Variants in SHH observed in about 807,000 individuals in gnomAD.
SHH encodes the protein sonic hedgehog protein.
SHH carries 3 observed loss-of-function variants against 16.6 expected under a neutral mutation model. That is an observed-to-expected ratio of 0.18 (90% CI 0.08 to 0.47). The LOEUF is 0.47. Ranked by LOEUF, SHH falls within the 20% of genes least tolerant of loss-of-function variation. The pLI is 0.98. For synonymous variants in SHH, 351 were observed against 316.2 expected (o/e 1.11, Z -1.17); for missense variants, 499 against 665.0 (o/e 0.75, Z 2.75).
At chr7:155,810,164 G>T (rs193195098) in intron 1 of SHH, among the ~76,000 whole-genome samples, 261 of 152,310 alleles carry the variant, frequency 1.7e-3, no homozygotes, top group African/African-American at 2.8e-3. Context: ...CGTCTGCCTC[G>T]CTGCGCGGCT....
Position 155,802,782 on chromosome 7 carries a change from C to CTTA in SHH, c.*115_*117dup, listed in dbSNP as rs1554493560. Reference sequence around the variant, plus strand: ...CTTTGGACTGTCCTACTTTATTATTCTTATTCTTATTATAACTCAGTCTGG... The same window carrying CTTA: ...CTTTGGACTGTCCTACTTTATTATTCTTATTATTCTTATTATAACTCAGTCTGG... On this transcript the variant is annotated 3_prime_UTR_variant, in exon 3 of 3. Coordinates refer to ENST00000297261, the MANE Select transcript of SHH (RefSeq NM_000193.4). 14 of 610,912 alleles carry CTTA rather than the reference C, an allele frequency of 2.3e-5. No individual in the cohort carries two copies. The highest frequency in any genetic ancestry group is 4.8e-4 in the Middle Eastern group (1 of 2,084). 37.8% of individuals were successfully genotyped at this position (610,912 alleles called of 1,614,324 possible).
chr7:155,806,252 A>C, intron 2 of SHH, 44 bp downstream of exon 2: 1 of 1,612,132 alleles, frequency 6.2e-7, no homozygotes, highest in Non-Finnish European at 8.5e-7. Flanking sequence ...AGGTGCGCCA[A>C]TGGCCTTCCT....
Position 155,811,894 on chromosome 7 carries a change from T to A in SHH, c.229A>T (p.Thr77Ser), listed in dbSNP as rs1450594695. Residue 77 changes from threonine to serine, a missense_variant, in exon 1 of 3, where the codon ACC (threonine) becomes TCC (serine). This residue lies in a region of SHH where 75 missense variants were observed against 115.0 expected (regional missense o/e 0.65). Transcript: ENST00000297261. ...SRNSERFKEL[T>S]PNYNPDIIFK... ...ATGATGTCGGGGTTGTAATTGGGGG[T>A]GAGTTCCTTAAATCGCTCGGAGTTT... 6.2e-7 allele frequency: 1 copy of A among 1,613,284 alleles called. No individual in the cohort carries two copies. The highest frequency in any genetic ancestry group is 1.3e-5 in the African/African-American group (1 of 74,830).
At chr7:155,803,909 GC>G (rs1803275507) in intron 2 of SHH, among the ~76,000 whole-genome samples, 183 bp from the exon 3 acceptor site, 1 of 150,732 alleles carries the variant, frequency 6.6e-6, no homozygotes, top group South Asian at 2.1e-4. Flanking sequence ...CAACCCCACT[GC>G]CCCAGGGACA....
Position 155,800,470 on chromosome 7 carries a change from T to A in SHH, c.*2430A>T. The A allele has an allele frequency of 4.5e-6, 2 of 448,070 alleles. No homozygotes were observed. The highest frequency in any genetic ancestry group is 9.2e-6 in the Non-Finnish European group (2 of 216,718). 27.8% of individuals were successfully genotyped at this position (448,070 alleles called of 1,614,324 possible). A position where few individuals can be genotyped will look rare whatever the true frequency, so the allele number is the denominator to read the frequency against. On this transcript the variant is annotated 3_prime_UTR_variant, in exon 3 of 3. Transcript: ENST00000297261. ...TGGCCTCAGGCACCTTGGGGCTTGG[T>A]CAACGCCTGGCTTCTCTCTGATCGT...
At chr7:155,808,982 C>G (rs1803440003) in intron 1 of SHH, 1 of 152,514 alleles carries the variant, frequency 6.6e-6, no homozygotes, top group Non-Finnish European at 1.5e-5. Flanking sequence ...AGCCCCTCCC[C>G]AACCCCATAC....
chr7:155,803,215 C>T lies in SHH; in HGVS notation c.1074G>A (p.Arg358=). The part of the protein sequence containing the change: ...LTAQGTILIN[R]VLASCYAVIE... ...TGACCGCGTAGCACGAGGCCAGCAC[C>T]CGGTTGATGAGAATGGTGCCCTGGG... The change falls in exon 3 of 3, where the codon CGG becomes CGA. Residue 358 remains arginine, a synonymous_variant. Coordinates refer to ENST00000297261, the MANE Select transcript of SHH (RefSeq NM_000193.4). The T allele has an allele frequency of 6.6e-7, 1 of 1,511,746 alleles. No homozygotes were observed. Among genetic ancestry groups the T allele is most frequent in the Non-Finnish European group, 8.8e-7 (1 of 1,135,888 alleles). 93.6% of individuals were successfully genotyped at this position (1,511,746 alleles called of 1,614,324 possible). A position where few individuals can be genotyped will look rare whatever the true frequency, so the allele number is the denominator to read the frequency against.
rs1057445129 is a variant in SHH at position 155,807,933 on chromosome 7, G to T, written c.301-1376C>A. The stretch of plus-strand genomic sequence containing the variant: ...CTATCCAGGGCCCTAACTGTAGCGT[G>T]GGTTGGGGGGACTCTTTCGAGAGGG... On this transcript the variant is annotated intron_variant, in intron 1 of 2. Coordinates refer to ENST00000297261, the MANE Select transcript of SHH (RefSeq NM_000193.4). The surrounding 1 kb of genome is among the most constrained non-coding windows in gnomAD (Gnocchi z 7.1). Among the ~76,000 whole-genome samples the T allele has an allele frequency of 6.6e-6, 1 of 152,136 alleles. No individual in the cohort carries two copies. The highest frequency in any genetic ancestry group is 1.5e-5 in the Non-Finnish European group (1 of 68,030).
intron 1 of SHH, chr7:155,806,936 C>T: frequency 3.2e-6 from 1 of 313,796 alleles, no homozygotes; most frequent in Non-Finnish European, 6.2e-6. Flanking sequence ...ATACCCGCCC[C>T]GCCCCCACGT....
intron 1 of SHH, among the ~76,000 whole-genome samples, chr7:155,808,228 A>G (rs975138820): frequency 3.9e-5 from 6 of 152,182 alleles, no homozygotes; most frequent in African/African-American, 1.2e-4. Context: ...CGCGTTTTAC[A>G]TGAAAATCAA....
At position 155,809,904 on chromosome 7, in the gene SHH, T is replaced by G. The variant is rs1427251496; in HGVS notation, c.300+1919A>C. On this transcript the variant is annotated intron_variant, in intron 1 of 2. Transcript: ENST00000297261. The surrounding 1 kb of genome is among the most constrained non-coding windows in gnomAD (Gnocchi z 6.1). ...CCTAGAGGCCAGGCAGGCGGCGGACTGGGGATGGGGGCGCGTCCCAGGGCA... is the reference window on the plus strand; with the variant it reads ...CCTAGAGGCCAGGCAGGCGGCGGACGGGGGATGGGGGCGCGTCCCAGGGCA... 6.6e-6 allele frequency among the ~76,000 whole-genome samples: 1 copy of G among 151,366 alleles called. No homozygotes were observed. Among genetic ancestry groups the G allele is most frequent in the Non-Finnish European group, 1.5e-5 (1 of 67,768 alleles).
rs780129844 is a variant in SHH, at chr7:155,803,055, TGCCGCCGCCGCCCCCGCGGTCCCC to T, written c.1210_1233del (p.Gly404_Gly411del). 87 of 1,428,642 alleles carry T rather than the reference TGCCGCCGCCGCCCCCGCGGTCCCC, an allele frequency of 6.1e-5. No homozygotes were observed. Among genetic ancestry groups the T allele is most frequent in the Non-Finnish European group, 7.5e-5 (82 of 1,089,960 alleles). The allele number at this position is 1,428,642 out of a possible 1,614,324, so 88.5% of individuals were successfully genotyped here. On this transcript the variant is annotated inframe_deletion, in exon 3 of 3. Transcript: ENST00000297261. ...GCACCTGGAGCGGTTAGGGCTACTC[TGCCGCCGCCGCCCCCGCGGTCCCC>T]GCCGCCGCTGTCCCCGCCGCGGTCC...
At chr7:155,805,246 G>A (rs867496548) in intron 2 of SHH, among the ~76,000 whole-genome samples, 10 of 152,192 alleles carry the variant, frequency 6.6e-5, no homozygotes, top group Middle Eastern at 6.8e-3. Flanking sequence ...GAGCCCGCGA[G>A]GTGGGGGCGC....
rs104894043 is a variant in SHH, at chr7:155,803,613, C to T, written c.676G>A (p.Ala226Thr). 115 of 1,598,462 alleles carry T rather than the reference C, an allele frequency of 7.2e-5. No individual in the cohort carries two copies. The highest frequency in any genetic ancestry group is 1.7e-4 in the Middle Eastern group (1 of 6,022). ...KDLSPGDRVL[A>T]ADDQGRLLYS... ...AGCAGCCGGCCCTGGTCGTCCGCCG[C>T]CAGCACGCGGTCCCCGGGGCTCAGG... The change falls in exon 3 of 3, where the codon GCG (alanine) becomes ACG (threonine). Residue 226 changes from alanine (A) to threonine (T), a missense_variant. Coordinates refer to ENST00000297261, the MANE Select transcript of SHH (RefSeq NM_000193.4).
Position 155,806,563 on chromosome 7 carries a change from A to G in SHH, c.301-6T>C, listed in dbSNP as rs1803368122. 6.2e-7 allele frequency: 1 copy of G among 1,610,370 alleles called. No individual in the cohort carries two copies. Among genetic ancestry groups the G allele is most frequent in the Non-Finnish European group, 8.5e-7 (1 of 1,179,992 alleles). ...TTCAACTTGTCCTTACACCTCTGCG[A>G]AGACAAGGGGACCCCCACCGACGGA... On this transcript the variant is annotated splice_region_variant and splice_polypyrimidine_tract_variant and intron_variant, in intron 1 of 2. Coordinates refer to ENST00000297261, the MANE Select transcript of SHH (RefSeq NM_000193.4).
chr7:155,806,635 C>T, intron 1 of SHH, 78 bp from the exon 2 acceptor site: 1 of 1,578,650 alleles, frequency 6.3e-7, no homozygotes, highest in African/African-American at 1.3e-5. Flanking sequence ...CTCCATCAGC[C>T]TGCCCTGCCC....
rs1223316650 is a variant in SHH at position 155,806,456 on chromosome 7, G to A, written c.402C>T (p.His134=). Residue 134 remains histidine, a synonymous_variant, in exon 2 of 3, where the codon CAC becomes CAT. Coordinates refer to ENST00000297261, the MANE Select transcript of SHH (RefSeq NM_000193.4). The part of the protein sequence containing the change: ...VTEGWDEDGH[H]SEESLHYEGR... ...CCTCGTAGTGCAGAGACTCCTCTGA[G>A]TGGTGGCCATCTTCGTCCCAGCCCT... The A allele has an allele frequency of 6.2e-7, 1 of 1,613,866 alleles. No individual in the cohort carries two copies. The highest frequency in any genetic ancestry group is 1.7e-5 in the Admixed American group (1 of 60,026).
rs998841541 is a variant in SHH at position 155,809,362 on chromosome 7, AGG to A, written c.300+2459_300+2460del. 3.9e-5 allele frequency among the ~76,000 whole-genome samples: 6 copies of A among 151,976 alleles called. No individual in the cohort carries two copies. Among genetic ancestry groups the A allele is most frequent in the Non-Finnish European group, 7.4e-5 (5 of 67,984 alleles). Reference sequence around the variant, plus strand: ...AGAGCCTAGGTGGTTATTTAAAATGAGGGCGGCCGAGCAGGCTCCCCAAACCT... The same window carrying A: ...AGAGCCTAGGTGGTTATTTAAAATGAGCGGCCGAGCAGGCTCCCCAAACCT... On this transcript the variant is annotated intron_variant, in intron 1 of 2. Coordinates refer to ENST00000297261, the MANE Select transcript of SHH (RefSeq NM_000193.4). This position sits in a 1 kb window ranked among gnomAD's most constrained non-coding sequence, Gnocchi z 6.1.
At position 155,802,855 on chromosome 7, in the gene SHH, G is replaced by GCC; in HGVS notation, c.*43_*44dup. On this transcript the variant is annotated 3_prime_UTR_variant, in exon 3 of 3. Transcript: ENST00000297261. Reference sequence around the variant, plus strand: ...CTTTTTGCTTTGCGTTGCTGTTGCTGCCCCGCCCCGCCCCCTCCCGCGCCC... The same window carrying GCC: ...CTTTTTGCTTTGCGTTGCTGTTGCTGCCCCCCGCCCCGCCCCCTCCCGCGCCC... 2 of 683,312 alleles carry GCC rather than the reference G, an allele frequency of 2.9e-6. No individual in the cohort carries two copies. The highest frequency in any genetic ancestry group is 4.4e-6 in the Non-Finnish European group (2 of 452,518). The allele number at this position is 683,312 out of a possible 1,614,324, so 42.3% of individuals were successfully genotyped here.
Sources: gnomAD v4.1 joint callset for allele counts (sites outside exome capture counted in the v4.1 genomes callset) on GRCh38, gnomAD v4.1.1 for gene constraint, gnomAD v4.1.1 regional missense constraint, Gnocchi (gnomAD v3.1) non-coding constraint, MANE v1.5 for transcripts, NCBI Gene and HGNC (gene_info 2026-07-23, HGNC 2026-07-21) for gene names.